UBE2Z: variants seen among roughly 807,000 people sequenced by gnomAD.
UBE2Z encodes ubiquitin-conjugating enzyme E2 Z.
In UBE2Z, 10 loss-of-function variants were observed where a neutral mutation model predicts 32.6. That is an observed-to-expected ratio of 0.31 (90% CI 0.19 to 0.52). UBE2Z has a LOEUF of 0.52. Among genes scored for constraint, UBE2Z ranks in the 20% least tolerant of loss-of-function variants. UBE2Z has a pLI of 0.97. For synonymous variants in UBE2Z, 183 were observed against 190.8 expected, an observed-to-expected ratio of 0.96 and a Z score of 0.34; for missense variants, 343 against 480.9, an observed-to-expected ratio of 0.71 and a Z score of 2.68.
In UBE2Z at chr17:48,928,642, G is replaced by A. The variant is rs1466177782; in HGVS notation, c.*1508G>A. ...GAGAATGTCCTATTTGGGAGGGCAGGAAGCAAAGGAACTGGACAGGGATTG... is the reference window on the plus strand; with the variant it reads ...GAGAATGTCCTATTTGGGAGGGCAGAAAGCAAAGGAACTGGACAGGGATTG... On this transcript the variant is annotated 3_prime_UTR_variant, in exon 7 of 7. Coordinates refer to ENST00000360943, the MANE Select transcript of UBE2Z (RefSeq NM_023079.5). 6.5e-6 allele frequency: 1 copy of A among 152,838 alleles called. No homozygotes were observed. The highest frequency in any genetic ancestry group is 1.5e-5 in the Non-Finnish European group (1 of 68,184). The allele number at this position is 152,838 out of a possible 1,614,324, so 9.5% of individuals were successfully genotyped here.
At chr17:48,912,514 CAA>C (rs763993307) in intron 2 of UBE2Z, 66 of 226,226 alleles carry the variant, frequency 2.9e-4, no homozygotes, top group East Asian at 3.5e-4. Flanking sequence ...GAGGTCTGCA[CAA>C]AAAAAAAAAA....
intron 1 of UBE2Z, among the ~76,000 whole-genome samples, chr17:48,909,470 C>A (rs1454818925): frequency 6.6e-6 from 1 of 151,818 alleles, no homozygotes; most frequent in Non-Finnish European, 1.5e-5. Flanking sequence ...CACAGGCTAC[C>A]TCCCCCCAAT....
intron 1 of UBE2Z, chr17:48,910,313 CTGCT>C (rs2040666995): frequency 6.4e-6 from 1 of 156,756 alleles, no homozygotes. Context: ...GTCTTACTCT[CTGCT>C]GGCTGGCTTG....
At chr17:48,909,859 A>C (rs2040662964) in intron 1 of UBE2Z, among the ~76,000 whole-genome samples, 1 of 151,936 alleles carries the variant, frequency 6.6e-6, no homozygotes, top group African/African-American at 2.4e-5. Flanking sequence ...TCTACTTTTC[A>C]AGGTTGTAAT....
chr17:48,915,372 A>G (rs1221796208), intron 3 of UBE2Z, among the ~76,000 whole-genome samples: 2 of 152,170 alleles, frequency 1.3e-5, no homozygotes, highest in Non-Finnish European at 2.9e-5. Flanking sequence ...CTCCGGTGCC[A>G]TCTCTTCAAT....
chr17:48,919,867 C>G (rs2040746919), intron 4 of UBE2Z, among the ~76,000 whole-genome samples: 1 of 152,160 alleles, frequency 6.6e-6, no homozygotes. Context: ...GCATCCTTTA[C>G]TTGTTGATGC....
At chr17:48,913,214 G>A (rs1333834949) in intron 3 of UBE2Z, among the ~76,000 whole-genome samples, 193 bp downstream of exon 3, 2 of 152,122 alleles carry the variant, frequency 1.3e-5, no homozygotes, top group Non-Finnish European at 2.9e-5. Context: ...ATTTATTACA[G>A]TGGTAACCTT....
At chr17:48,923,134 A>C (rs2040773755) in intron 6 of UBE2Z, 197 bp downstream of exon 6, 2 of 459,384 alleles carry the variant, frequency 4.4e-6, no homozygotes, top group Non-Finnish European at 8.0e-6. Context: ...ATCCTGGCTA[A>C]CACGGTGAAA....
intron 6 of UBE2Z, among the ~76,000 whole-genome samples, chr17:48,923,749 T>TA (rs892097133): frequency 7.3e-4 from 110 of 151,118 alleles, no homozygotes; most frequent in African/African-American, 1.9e-3. Flanking sequence ...TTTTTTTTTT[T>TA]AAAGGCAGGT....
At chr17:48,919,653 T>A (rs1438006052) in intron 4 of UBE2Z, among the ~76,000 whole-genome samples, 1 of 152,168 alleles carries the variant, frequency 6.6e-6, no homozygotes, top group Non-Finnish European at 1.5e-5. Flanking sequence ...AATTTTTGTA[T>A]TTTTTATAGA....
chr17:48,912,292 G>C (rs908054958), intron 2 of UBE2Z: 1 of 154,056 alleles, frequency 6.5e-6, no homozygotes, highest in Non-Finnish European at 1.4e-5. Context: ...CCCTTTCTTC[G>C]TCTCCTTTCA....
intron 3 of UBE2Z, among the ~76,000 whole-genome samples, chr17:48,914,165 C>A (rs2040702384): frequency 6.6e-6 from 1 of 152,220 alleles, no homozygotes; most frequent in African/African-American, 2.4e-5. Flanking sequence ...ATTTTAGTTG[C>A]CTTTGGGGGC....
At chr17:48,910,669 A>G (rs2040669828) in intron 1 of UBE2Z, 139 bp from the exon 2 acceptor site, 5 of 690,808 alleles carry the variant, frequency 7.2e-6, no homozygotes, top group Non-Finnish European at 1.3e-5. Flanking sequence ...CCAACAAGAC[A>G]GTACAAACAC....
At position 48,928,180 on chromosome 17, in the gene UBE2Z, T is replaced by G. The variant is rs55685312; in HGVS notation, c.*1046T>G. On this transcript the variant is annotated 3_prime_UTR_variant, in exon 7 of 7. Coordinates refer to ENST00000360943, the MANE Select transcript of UBE2Z (RefSeq NM_023079.5). ...CAAGGGTAGCCAATGGCAGAGGGGGTTGGGGCTGGGACTCTGGAGGCTCCT... is the reference window on the plus strand; with the variant it reads ...CAAGGGTAGCCAATGGCAGAGGGGGGTGGGGCTGGGACTCTGGAGGCTCCT... 1 of 152,146 alleles carries G rather than the reference T, an allele frequency of 6.6e-6. No homozygotes were observed. Among genetic ancestry groups the G allele is most frequent in the Admixed American group, 6.6e-5 (1 of 15,248 alleles). The allele number at this position is 152,146 out of a possible 1,614,324, so 9.4% of individuals were successfully genotyped here.
chr17:48,921,351 G>C, intron 5 of UBE2Z, 79 bp downstream of exon 5: 1 of 1,039,098 alleles, frequency 9.6e-7, no homozygotes. Flanking sequence ...GTACAGTGTT[G>C]GGTACCAGAG....
intron 2 of UBE2Z, chr17:48,911,494 A>T (rs1479114418): frequency 1.3e-5 from 2 of 152,404 alleles, no homozygotes; most frequent in Non-Finnish European, 2.9e-5. Flanking sequence ...TGCTCTACCC[A>T]CAGAAGTGCA....
At chr17:48,917,309 AAATAAT>A (rs897801487) in intron 4 of UBE2Z, among the ~76,000 whole-genome samples, 1 of 152,146 alleles carries the variant, frequency 6.6e-6, no homozygotes, top group Non-Finnish European at 1.5e-5. Flanking sequence ...CGTCTTAAAA[AAATAAT>A]AATAATAATG....
At chr17:48,926,747 C>G (rs1207971364) in intron 6 of UBE2Z, among the ~76,000 whole-genome samples, 1 of 152,160 alleles carries the variant, frequency 6.6e-6, no homozygotes, top group Non-Finnish European at 1.5e-5. Flanking sequence ...GCCCAAAGTG[C>G]TGGGATTACA....
Position 48,926,868 on chromosome 17 carries a change from A to G in UBE2Z, c.895-96A>G. 2.9e-6 allele frequency: 4 copies of G among 1,363,188 alleles called. No homozygotes were observed. The South Asian group carries it at 4.3e-5, about 15-fold the overall frequency. The allele number at this position is 1,363,188 out of a possible 1,614,324, so 84.4% of individuals were successfully genotyped here. On this transcript the variant is annotated intron_variant, in intron 6 of 6. Transcript: ENST00000360943. ...GGCCTTCCTGCTCCCATGGCTCAGAAGTTGAGCTTTCATTTCACATGGGCC... is the reference window on the plus strand; with the variant it reads ...GGCCTTCCTGCTCCCATGGCTCAGAGGTTGAGCTTTCATTTCACATGGGCC...
Sources: allele counts gnomAD v4.1 joint callset (sites outside exome capture counted in the v4.1 genomes callset), GRCh38; gene constraint gnomAD v4.1.1; transcripts MANE v1.5; gene names NCBI Gene and HGNC (gene_info 2026-07-23, HGNC 2026-07-21).